AXIN1: variants seen among roughly 807,000 people sequenced by gnomAD.
AXIN1 encodes the protein axin-1.
AXIN1 carries 30 observed loss-of-function variants against 76.4 expected under a neutral mutation model. The observed-to-expected ratio is 0.39, with a 90% confidence interval of 0.29 to 0.53. The LOEUF (loss-of-function observed/expected upper bound fraction) is 0.53. AXIN1 is among the 20% of genes least tolerant of loss of function. The probability of loss-of-function intolerance (pLI) is 0.66; values close to 1 mark genes in which losing one functional copy is unlikely to be tolerated. For synonymous variants in AXIN1, 545 were observed against 501.4 expected, an observed-to-expected ratio of 1.09 and a Z score of -1.16; for missense variants, 1,140 against 1,198.8, an observed-to-expected ratio of 0.95 and a Z score of 0.72.
At chr16:297,007 G>A in intron 7 of AXIN1, 49 bp downstream of exon 7, 2 of 1,596,696 alleles carry the variant, frequency 1.3e-6, no homozygotes, top group Non-Finnish European at 1.7e-6. Context: ...GCGGAGGCCA[G>A]GGGTGGCAAA....
Position 304,041 on chromosome 16 carries a change from C to T in AXIN1, c.1254+263G>A, listed in dbSNP as rs1442388163. ...AAGGATCAGGTACACAGCAGGCAGC[C>T]GTGTCACCCCCGGCCCCTTCAATGC... On this transcript the variant is annotated intron_variant, in intron 5 of 10. Transcript: ENST00000262320. Among the ~76,000 whole-genome samples the T allele has an allele frequency of 3.9e-5, 6 of 152,208 alleles. 1 individual carries two copies. The highest frequency in any genetic ancestry group is 2.0e-4 in the Admixed American group (3 of 15,280).
intron 2 of AXIN1, among the ~76,000 whole-genome samples, chr16:323,578 A>G (rs1254044066): frequency 6.6e-6 from 1 of 151,678 alleles, no homozygotes; most frequent in African/African-American, 2.4e-5. Context: ...TCAAGAGATC[A>G]AGACCATCCT....
intron 2 of AXIN1, among the ~76,000 whole-genome samples, chr16:324,736 C>A (rs2053540994): frequency 6.6e-6 from 1 of 152,196 alleles, no homozygotes; most frequent in Non-Finnish European, 1.5e-5. Context: ...TCAGACACGG[C>A]CAGTGCCATC....
At chr16:319,647 CCCCAGGAAGGCA>C (rs1483311294) in intron 2 of AXIN1, among the ~76,000 whole-genome samples, 1 of 152,208 alleles carries the variant, frequency 6.6e-6, no homozygotes, top group Non-Finnish European at 1.5e-5. Context: ...GCTCCTCCTG[CCCCAGGAAGGCA>C]CCTCTCTGGG....
Position 346,202 on chromosome 16 carries a change from G to C in AXIN1, c.824C>G (p.Thr275Arg), listed in dbSNP as rs899023760. ...ACTGGAGGAGACCCTCGGGGCAGCT[G>C]TCTCCAGGAGCAGCTTCTGAGGGAG... ...GRLPQKLLLETAAPRVSSSRR... is the reference protein window; with the variant it reads ...GRLPQKLLLERAAPRVSSSRR... The change falls in exon 2 of 11, where the codon ACA becomes AGA. Residue 275 changes from threonine (T) to arginine (R), a missense_variant. Transcript: ENST00000262320. The C allele has an allele frequency of 3.1e-6, 5 of 1,614,024 alleles. No homozygotes were observed. The highest frequency in any genetic ancestry group is 4.2e-6 in the Non-Finnish European group (5 of 1,180,046).
intron 6 of AXIN1, 106 bp downstream of exon 6, chr16:297,616 G>A (rs2052749493): frequency 1.4e-6 from 2 of 1,415,354 alleles, no homozygotes; most frequent in South Asian, 1.4e-5. Context: ...CCTCCTGCCT[G>A]TTGCTGGCGG....
chr16:321,171 T>C (rs2053448840), intron 2 of AXIN1, among the ~76,000 whole-genome samples: 1 of 151,626 alleles, frequency 6.6e-6, no homozygotes, highest in African/African-American at 2.4e-5. Flanking sequence ...TGCCTCCTGC[T>C]ACCCACGCTC....
At position 346,712 on chromosome 16, in the gene AXIN1, A is replaced by G; in HGVS notation, c.314T>C (p.Phe105Ser). The G allele has an allele frequency of 6.3e-7, 1 of 1,576,218 alleles. No individual in the cohort carries two copies. Among genetic ancestry groups the G allele is most frequent in the Non-Finnish European group, 8.6e-7 (1 of 1,160,464 alleles). ...DQDGISLFRT[F>S]LKQEGCADLL... ...GTCGGCACAGCCCTCCTGCTTCAGG[A>G]AAGTCCTGAACAGGCTTATCCCATC... Residue 105 changes from phenylalanine to serine, a missense_variant, in exon 2 of 11, where the codon TTC (phenylalanine) becomes TCC (serine). Phe to Ser is a radical substitution (Grantham distance 155). Around this residue, in one of 3 missense-constraint regions of AXIN1, gnomAD observed 708 missense variants for 776.9 expected, o/e 0.91. Coordinates refer to ENST00000262320, the MANE Select transcript of AXIN1 (RefSeq NM_003502.4).
chr16:327,020 T>C (rs2053599194), intron 2 of AXIN1, among the ~76,000 whole-genome samples: 1 of 151,746 alleles, frequency 6.6e-6, no homozygotes, highest in African/African-American at 2.4e-5. Context: ...CGGGTGCCTG[T>C]AGTCCCAGCT....
At position 289,585 on chromosome 16, in the gene AXIN1, C is replaced by T. The variant is rs1453814790; in HGVS notation, c.2317G>A (p.Gly773Ser). ...ETETRSQRKV[G>S]GGSAQPCDSI... ...TCACACGGCTGGGCACTCCCGCCGC[C>T]CACCTTCCTCTGCGATCTTGTCCTG... Residue 773 changes from glycine (G) to serine (S), a missense_variant, in exon 10 of 11, where the codon GGC (glycine) becomes AGC (serine). This residue lies in a region of AXIN1 where 429 missense variants were observed against 405.8 expected (regional missense o/e 1.06). Coordinates refer to ENST00000262320, the MANE Select transcript of AXIN1 (RefSeq NM_003502.4). 1 of 1,612,904 alleles carries T rather than the reference C, an allele frequency of 6.2e-7. No individual in the cohort carries two copies.
At position 325,980 on chromosome 16, in the gene AXIN1, G is replaced by A. The variant is rs1032573124; in HGVS notation, c.879-11297C>T. ...GAAAAGGCCCGCCCTGGTTCACACCGGCATGGAGAGGTCTCGCTTCTGTTT... is the reference window on the plus strand; with the variant it reads ...GAAAAGGCCCGCCCTGGTTCACACCAGCATGGAGAGGTCTCGCTTCTGTTT... On this transcript the variant is annotated intron_variant, in intron 2 of 10. Coordinates refer to ENST00000262320, the MANE Select transcript of AXIN1 (RefSeq NM_003502.4). Among the ~76,000 whole-genome samples the A allele has an allele frequency of 7.2e-5, 11 of 151,994 alleles. No homozygotes were observed. The East Asian group carries it at 1.7e-3, about 24-fold the overall frequency.
chr16:321,340 T>C (rs1181557436), intron 2 of AXIN1, among the ~76,000 whole-genome samples: 2 of 146,854 alleles, frequency 1.4e-5, no homozygotes, highest in African/African-American at 5.2e-5. Context: ...ACAACCACTA[T>C]GGGGAAACAG....
At chr16:329,687 A>C (rs1368118811) in intron 2 of AXIN1, among the ~76,000 whole-genome samples, 1 of 149,468 alleles carries the variant, frequency 6.7e-6, no homozygotes, top group African/African-American at 2.5e-5. Flanking sequence ...GCAGTGGCGC[A>C]GTCTTGGCTC....
In AXIN1 at chr16:343,396, C is replaced by A. The variant is rs572419621; in HGVS notation, c.878+2752G>T. 5.3e-5 allele frequency among the ~76,000 whole-genome samples: 8 copies of A among 152,262 alleles called. No individual in the cohort carries two copies. In the South Asian group the frequency reaches 1.4e-3, roughly 28 times the overall value. On this transcript the variant is annotated intron_variant, in intron 2 of 10. Transcript: ENST00000262320. ...CTGCAGCCCAGCCCTCAACTTCAGT[C>A]CCATCTTAAAAATAACCAGCCGGGG...
At chr16:344,233 C>T (rs988566994) in intron 2 of AXIN1, among the ~76,000 whole-genome samples, 1 of 151,738 alleles carries the variant, frequency 6.6e-6, no homozygotes, top group African/African-American at 2.4e-5. Flanking sequence ...AGATCGAGAC[C>T]ATCCTGGCTA....
Position 304,370 on chromosome 16 carries a change from C to T in AXIN1, c.1188G>A (p.Leu396=), listed in dbSNP as rs371252294. The change falls in exon 5 of 11, where the codon CTG becomes CTA. Residue 396 remains leucine (L), a synonymous_variant. Coordinates refer to ENST00000262320, the MANE Select transcript of AXIN1 (RefSeq NM_003502.4). Reference sequence around the variant, plus strand: ...CCTCCCGCGTGCGCTGCACAGCCTCCAGGCGGTGGATGAGCTCCTCCGCGA... The same window carrying T: ...CCTCCCGCGTGCGCTGCACAGCCTCTAGGCGGTGGATGAGCTCCTCCGCGA... ...QKFAEELIHR[L]EAVQRTREAE... is the part of the protein sequence containing the mutation. 11 of 1,612,578 alleles carry T rather than the reference C, an allele frequency of 6.8e-6. No individual in the cohort carries two copies. In the African/African-American group the frequency reaches 1.5e-4, roughly 22 times the overall value.
intron 2 of AXIN1, among the ~76,000 whole-genome samples, chr16:326,488 C>A (rs1045165635): frequency 8.6e-5 from 13 of 151,238 alleles, no homozygotes; most frequent in Non-Finnish European, 1.8e-4. Context: ...GTGGTTCACA[C>A]CTGTAATCCC....
intron 2 of AXIN1, among the ~76,000 whole-genome samples, chr16:338,878 G>A (rs561129509): frequency 4.0e-5 from 6 of 151,424 alleles, no homozygotes; most frequent in African/African-American, 1.2e-4. Flanking sequence ...AGCTGAGATC[G>A]CGCCATTGCA....
At chr16:319,463 T>C (rs755177000) in intron 2 of AXIN1, among the ~76,000 whole-genome samples, 2 of 152,152 alleles carry the variant, frequency 1.3e-5, no homozygotes, top group African/African-American at 2.4e-5. Context: ...AGCTGTGTCA[T>C]AAACAAACAC....
Sources: gnomAD v4.1 joint callset for allele counts (sites outside exome capture counted in the v4.1 genomes callset) on GRCh38, gnomAD v4.1.1 for gene constraint, gnomAD v4.1.1 regional missense constraint, MANE v1.5 for transcripts, NCBI Gene and HGNC (gene_info 2026-07-23, HGNC 2026-07-21) for gene names.